CEACAM4: variants seen among roughly 807,000 people sequenced by gnomAD.
The protein encoded by CEACAM4 is CEA cell adhesion molecule 4, also known as cell adhesion molecule CEACAM4.
CEACAM4 carries 30 observed loss-of-function variants against 28.7 expected under a neutral mutation model. That is an observed-to-expected ratio of 1.05 (90% CI 0.78 to 1.42). The LOEUF is 1.42. Ranked by LOEUF, CEACAM4 falls within the 40% of genes most tolerant of loss-of-function variation. The pLI, the probability that CEACAM4 is intolerant of heterozygous loss-of-function variation, is 0.00. For synonymous variants in CEACAM4, 143 were observed against 126.5 expected (o/e 1.13, Z -0.87); for missense variants, 330 against 308.2 (o/e 1.07, Z -0.53).
intron 3 of CEACAM4, among the ~76,000 whole-genome samples, chr19:41,621,345 C>G (rs1436780366): frequency 6.6e-6 from 1 of 152,100 alleles, no homozygotes; most frequent in Non-Finnish European, 1.5e-5. Flanking sequence ...CAGAAGGTAC[C>G]AGGTTCTGAG....
downstream of CEACAM4, among the ~76,000 whole-genome samples, chr19:41,617,465 A>T (rs1555799174): frequency 6.6e-6 from 1 of 152,208 alleles, no homozygotes; most frequent in Non-Finnish European, 1.5e-5. Context: ...AGATGTGTAC[A>T]TCCTCATCCC....
chr19:41,625,518 C>T (rs2071580358), intron 2 of CEACAM4, 83 bp downstream of exon 2: 1 of 1,476,592 alleles, frequency 6.8e-7, no homozygotes, highest in Admixed American at 2.2e-5. Flanking sequence ...GAGGGGGATG[C>T]AGGCACAGCC....
Position 41,619,384 on chromosome 19 carries a change from G to C in CEACAM4, c.681C>G (p.Tyr227Ter). ...TCTGGCAGTAAATGTTTGCATCAGA[G>C]TATAGCAATTCCTGTAAAAACAGAG... ...TATPIYEELL[Y>*]SDANIYCQID... The change falls in exon 7 of 7, where the codon TAC becomes TAG. Residue 227 changes from tyrosine (Y) to a stop codon, truncating the protein, a stop_gained. Transcript: ENST00000221954. LOFTEE classifies it low-confidence loss of function (END_TRUNC). The C allele has an allele frequency of 1.2e-6, 2 of 1,614,004 alleles. No homozygotes were observed. Among genetic ancestry groups the C allele is most frequent in the East Asian group, 2.2e-5 (1 of 44,868 alleles).
chr19:41,626,484 A>G (rs1555804252), intron 1 of CEACAM4, among the ~76,000 whole-genome samples: 1 of 152,226 alleles, frequency 6.6e-6, no homozygotes, highest in Non-Finnish European at 1.5e-5. Context: ...AGACTCCTGT[A>G]GATGAGTTCA....
chr19:41,613,984 G>A, the CEACAM4 span, among the ~76,000 whole-genome samples: 2 of 152,238 alleles, frequency 1.3e-5, no homozygotes, highest in African/African-American at 4.8e-5. Context: ...CTGACTTCTA[G>A]TTTTTACAGC....
At chr19:41,615,328 G>C (rs1416138897), downstream of CEACAM4, among the ~76,000 whole-genome samples, 6 of 151,996 alleles carry the variant, frequency 3.9e-5, no homozygotes, top group African/African-American at 1.5e-4. Context: ...GGTGGTCCAA[G>C]GCAGCCTGTG....
At chr19:41,622,375 G>T (rs1435687795) in intron 2 of CEACAM4, among the ~76,000 whole-genome samples, 1 of 152,192 alleles carries the variant, frequency 6.6e-6, no homozygotes, top group Non-Finnish European at 1.5e-5. Flanking sequence ...ACTGCGCCCA[G>T]TCTTCCTCTT....
chr19:41,616,995 G>A (rs1174061230), downstream of CEACAM4, among the ~76,000 whole-genome samples: 3 of 152,186 alleles, frequency 2.0e-5, no homozygotes, highest in Non-Finnish European at 4.4e-5. Context: ...CAAAGGTTTC[G>A]CAATTTATGG....
intron 1 of CEACAM4, 147 bp from the exon 2 acceptor site, chr19:41,626,107 T>C (rs1010991658): frequency 2.1e-5 from 11 of 511,830 alleles, no homozygotes; most frequent in Non-Finnish European, 3.6e-5. Context: ...TGTGTGTGTG[T>C]GTGTGTGTGT....
chr19:41,617,632 T>A (rs1327702057), downstream of CEACAM4, among the ~76,000 whole-genome samples: 5 of 151,838 alleles, frequency 3.3e-5, no homozygotes, highest in African/African-American at 9.7e-5. Flanking sequence ...GAGGTGGAGA[T>A]GTGGGGATGG....
rs781899276 is a variant in CEACAM4 at position 41,625,689 on chromosome 19, G to A, written c.336C>T (p.Ile112=). 4 of 1,613,754 alleles carry A rather than the reference G, an allele frequency of 2.5e-6. No individual in the cohort carries two copies. The Admixed American group carries it at 6.7e-5, about 27-fold the overall frequency. ...YPNGSLLFQN[I]TLEDAGSYTL... is the part of the protein sequence containing the mutation. ...TGTAGGATCCTGCGTCCTCCAGGGT[G>A]ATGTTTTGGAACAGCAGGGATCCAT... is the stretch of plus-strand genomic sequence containing the variant. Residue 112 remains isoleucine (I), a synonymous_variant, in exon 2 of 7, where the codon ATC becomes ATT. Coordinates refer to ENST00000221954, the MANE Select transcript of CEACAM4 (RefSeq NM_001817.4).
At chr19:41,624,910 C>G (rs117805880) in intron 2 of CEACAM4, among the ~76,000 whole-genome samples, 4,571 of 152,286 alleles carry the variant, frequency 0.03, 98 homozygotes, top group Non-Finnish European at 0.043. Flanking sequence ...GGCATGATCC[C>G]CGGTGGACAA....
chr19:41,624,399 G>A (rs1183539616), intron 2 of CEACAM4, among the ~76,000 whole-genome samples: 1 of 152,148 alleles, frequency 6.6e-6, no homozygotes, highest in Non-Finnish European at 1.5e-5. Context: ...GAAAACACAC[G>A]AAACCATTTC....
chr19:41,626,145 C>A (rs966042240), intron 1 of CEACAM4, among the ~76,000 whole-genome samples, 185 bp from the exon 2 acceptor site: 1 of 148,274 alleles, frequency 6.7e-6, no homozygotes, highest in Non-Finnish European at 1.5e-5. Flanking sequence ...AGCAGCATGA[C>A]CCCCATTCCT....
intron 3 of CEACAM4, among the ~76,000 whole-genome samples, chr19:41,620,888 A>T (rs1349399094): frequency 1.3e-5 from 2 of 151,910 alleles, no homozygotes; most frequent in Non-Finnish European, 2.9e-5. Context: ...CAGGAAAGGG[A>T]CTGAGGACTC....
chr19:41,619,353 G>A lies in CEACAM4; in HGVS notation c.712C>T (p.His238Tyr), dbSNP rs1194711788. The A allele has an allele frequency of 6.2e-7, 1 of 1,614,022 alleles. No homozygotes were observed. Among genetic ancestry groups the A allele is most frequent in the African/African-American group, 1.3e-5 (1 of 75,034 alleles). Residue 238 changes from histidine to tyrosine, a missense_variant, in exon 7 of 7, where the codon CAC (histidine) becomes TAC (tyrosine). Physicochemically the swap from His to Tyr is moderately conservative, Grantham distance 83. Transcript: ENST00000221954. Reference sequence around the variant, plus strand: ...ACCTAAGAGACCACATCTGCTTTGTGGTCGATCTGGCAGTAAATGTTTGCA... The same window carrying A: ...ACCTAAGAGACCACATCTGCTTTGTAGTCGATCTGGCAGTAAATGTTTGCA... Reference protein sequence around the residue: ...SDANIYCQIDHKADVVS With the variant: ...SDANIYCQIDYKADVVS
intron 6 of CEACAM4, 84 bp from the exon 7 acceptor site, chr19:41,619,479 G>C: frequency 6.3e-6 from 10 of 1,584,294 alleles, no homozygotes; most frequent in South Asian, 5.6e-5. Context: ...GCCCACCCAG[G>C]GCTTCTCTGG....
chr19:41,616,296 T>C (rs1236862060), downstream of CEACAM4, among the ~76,000 whole-genome samples: 6 of 152,102 alleles, frequency 3.9e-5, no homozygotes, highest in African/African-American at 1.4e-4. Context: ...CCTCCAAAAG[T>C]GCTGGGACTA....
downstream of CEACAM4, among the ~76,000 whole-genome samples, chr19:41,615,803 T>G (rs149838962): frequency 2.5e-4 from 38 of 152,274 alleles, no homozygotes; most frequent in East Asian, 7.0e-3. Context: ...CCCTGAGTGC[T>G]GTGTGTGACT....
Sources: gnomAD v4.1 joint callset for allele counts (sites outside exome capture counted in the v4.1 genomes callset) on GRCh38, gnomAD v4.1.1 for gene constraint, MANE v1.5 for transcripts, NCBI Gene and HGNC (gene_info 2026-07-23, HGNC 2026-07-21) for gene names.